The following CNTN5 variants were observed in gnomAD, a reference collection of about 807,000 sequenced individuals.
The protein encoded by CNTN5 is contactin-5.
CNTN5 carries 77 observed loss-of-function variants against 129.1 expected under a neutral mutation model. That is an observed-to-expected ratio of 0.60 (90% CI 0.50 to 0.72). CNTN5 has a LOEUF of 0.72. Ranked by LOEUF, CNTN5 falls within the 30% of genes least tolerant of loss-of-function variation. The pLI is 0.00. For missense variants in CNTN5, 1,478 were observed against 1,328.8 expected (o/e 1.11, Z -1.75); for synonymous variants, 509 against 465.6 (o/e 1.09, Z -1.20).
At chr11:99,099,828 A>G (rs1395863124) in intron 1 of CNTN5, among the ~76,000 whole-genome samples, 2 of 152,210 alleles carry the variant, frequency 1.3e-5, no homozygotes, top group African/African-American at 4.8e-5. Context: ...TAAGAAGGCA[A>G]TAAACATTAG....
chr11:99,388,778 C>A (rs1182307310), intron 2 of CNTN5, among the ~76,000 whole-genome samples: 1 of 152,236 alleles, frequency 6.6e-6, no homozygotes, highest in South Asian at 2.1e-4. Context: ...TATAACCATA[C>A]AAACTTGCCC....
In CNTN5 at chr11:99,990,494, G is replaced by T. The variant is rs530297529; in HGVS notation, c.878-11540G>T. Among the ~76,000 whole-genome samples, 176 of 121,232 alleles carry T rather than the reference G, an allele frequency of 1.5e-3. 1 individual carries two copies. Among genetic ancestry groups the T allele is most frequent in the African/African-American group, 5.7e-3 (172 of 30,302 alleles). 79.5% of individuals were successfully genotyped at this position (121,232 alleles called of 152,430 possible). On this transcript the variant is annotated intron_variant, in intron 8 of 24. Transcript: ENST00000524871. ...CACACACACACACACATACATACTA[G>T]TGATGAAAAACATTTTCTCCTAATG... is the stretch of plus-strand genomic sequence containing the variant.
chr11:99,872,984 C>T (rs1278300090), intron 6 of CNTN5, among the ~76,000 whole-genome samples: 1 of 152,070 alleles, frequency 6.6e-6, no homozygotes, highest in Non-Finnish European at 1.5e-5. Context: ...CAGGCTGTGT[C>T]CACTTGATGT....
chr11:100,143,924 T>C (rs1248408125), intron 13 of CNTN5, among the ~76,000 whole-genome samples: 1 of 152,152 alleles, frequency 6.6e-6, no homozygotes, highest in African/African-American at 2.4e-5. Context: ...AGGTTTTTAT[T>C]ATCCAGATGA....
At chr11:100,099,574 C>A (rs576156510) in intron 13 of CNTN5, among the ~76,000 whole-genome samples, 2 of 152,018 alleles carry the variant, frequency 1.3e-5, no homozygotes, top group Non-Finnish European at 2.9e-5. Context: ...GGCTACCTTG[C>A]CATTCTTCAA....
intron 13 of CNTN5, among the ~76,000 whole-genome samples, chr11:100,085,084 G>T (rs182496482): frequency 6.4e-4 from 97 of 152,144 alleles, no homozygotes; most frequent in Non-Finnish European, 8.7e-4. Flanking sequence ...TTAAGGGGGA[G>T]TAAATAATTT....
intron 7 of CNTN5, among the ~76,000 whole-genome samples, chr11:99,929,257 T>A (rs1288740801): frequency 6.6e-6 from 1 of 152,220 alleles, no homozygotes; most frequent in Non-Finnish European, 1.5e-5. Flanking sequence ...CCCATCTTTC[T>A]GTCTTCTGAG....
intron 1 of CNTN5, among the ~76,000 whole-genome samples, chr11:99,035,681 G>T (rs1367845791): frequency 6.6e-6 from 1 of 151,674 alleles, no homozygotes; most frequent in African/African-American, 2.4e-5. Flanking sequence ...AGTGAGATGG[G>T]TTTACTGAAT....
chr11:99,279,357 T>A lies in CNTN5; in HGVS notation c.-209-45989T>A, dbSNP rs921933133. On this transcript the variant is annotated intron_variant, in intron 1 of 24. Coordinates refer to ENST00000524871, the MANE Select transcript of CNTN5 (RefSeq NM_014361.4). ...TTAGGTTGCTAGAAATATTTCACTC[T>A]TATCCACCAGAGAAAAAACAGTTGA... 6.6e-5 allele frequency among the ~76,000 whole-genome samples: 10 copies of A among 151,800 alleles called. No individual in the cohort carries two copies. In the Admixed American group the frequency reaches 6.6e-4, roughly 10 times the overall value.
Position 99,952,522 on chromosome 11 carries a change from C to G in CNTN5, c.674-4284C>G, listed in dbSNP as rs1287772379. Among the ~76,000 whole-genome samples the G allele has an allele frequency of 3.3e-5, 5 of 152,046 alleles. No individual in the cohort carries two copies. In the South Asian group the frequency reaches 6.2e-4, roughly 19 times the overall value. ...AAACTTGAACTATTTAAAAAACAAA[C>G]TAAAAGTTATTTATTTTTTATTTTT... On this transcript the variant is annotated intron_variant, in intron 7 of 24. Coordinates refer to ENST00000524871, the MANE Select transcript of CNTN5 (RefSeq NM_014361.4).
At chr11:99,906,480 AG>A (rs1949510437) in intron 6 of CNTN5, among the ~76,000 whole-genome samples, 1 of 152,150 alleles carries the variant, frequency 6.6e-6, no homozygotes, top group Admixed American at 6.6e-5. Context: ...CTTGAATACC[AG>A]GGATGAAGCT....
intron 13 of CNTN5, among the ~76,000 whole-genome samples, chr11:100,081,749 A>C (rs762566466): frequency 1.1e-4 from 16 of 152,188 alleles, no homozygotes; most frequent in Non-Finnish European, 2.1e-4. Context: ...ATTTTTCAGG[A>C]GTAAATTTAC....
At chr11:99,902,031 C>T (rs1167715593) in intron 6 of CNTN5, among the ~76,000 whole-genome samples, 1 of 152,108 alleles carries the variant, frequency 6.6e-6, no homozygotes, top group African/African-American at 2.4e-5. Flanking sequence ...TAATTCAAAT[C>T]CATGTCTTTC....
At chr11:100,350,094 C>G (rs760607096) in intron 23 of CNTN5, among the ~76,000 whole-genome samples, 9 of 151,772 alleles carry the variant, frequency 5.9e-5, no homozygotes, top group Non-Finnish European at 1.3e-4. Context: ...AAAAGCAAAC[C>G]ACTACAAAAG....
Position 100,082,433 on chromosome 11 carries a change from T to C in CNTN5, c.1580+8139T>C, listed in dbSNP as rs184789905. On this transcript the variant is annotated intron_variant, in intron 13 of 24. Transcript: ENST00000524871. The stretch of plus-strand genomic sequence containing the variant: ...AGTAGCTGGGACCACAAGAGCACAC[T>C]GTCACCACCATGCCTGGAAAATTTT... Among the ~76,000 whole-genome samples, 12 of 152,166 alleles carry C rather than the reference T, an allele frequency of 7.9e-5. No homozygotes were observed. In the South Asian group the frequency reaches 8.3e-4, roughly 11 times the overall value.
chr11:99,797,896 CAATAA>C (rs1460938935), intron 3 of CNTN5, among the ~76,000 whole-genome samples: 2 of 152,018 alleles, frequency 1.3e-5, no homozygotes, highest in East Asian at 3.8e-4. Context: ...AATTGTACCA[CAATAA>C]AATAAAATCA....
At chr11:99,025,452 C>G (rs951400265) in intron 1 of CNTN5, among the ~76,000 whole-genome samples, 7 of 151,718 alleles carry the variant, frequency 4.6e-5, no homozygotes, top group Non-Finnish European at 3.0e-5. Flanking sequence ...TCATAGGATT[C>G]TTATAGCTGC....
intron 6 of CNTN5, among the ~76,000 whole-genome samples, chr11:99,899,230 GT>G: frequency 6.6e-6 from 1 of 151,794 alleles, no homozygotes. Flanking sequence ...TTTCTCTTAC[GT>G]GATAGCTCTG....
Position 99,187,507 on chromosome 11 carries a change from T to C in CNTN5, c.-209-137839T>C, listed in dbSNP as rs551692858. Among the ~76,000 whole-genome samples, 23 of 151,984 alleles carry C rather than the reference T, an allele frequency of 1.5e-4. 1 individual carries two copies. The South Asian group carries it at 4.8e-3, about 32-fold the overall frequency. Reference sequence around the variant, plus strand: ...TCTTAACATGAATTAAAATAACAAATTGAGATATGTTATTTTAATACAAAT... The same window carrying C: ...TCTTAACATGAATTAAAATAACAAACTGAGATATGTTATTTTAATACAAAT... On this transcript the variant is annotated intron_variant, in intron 1 of 24. Coordinates refer to ENST00000524871, the MANE Select transcript of CNTN5 (RefSeq NM_014361.4).
Sources: allele counts gnomAD v4.1 joint callset (sites outside exome capture counted in the v4.1 genomes callset), GRCh38; gene constraint gnomAD v4.1.1; transcripts MANE v1.5; gene names NCBI Gene and HGNC (gene_info 2026-07-23, HGNC 2026-07-21).